Variants in PREP observed in about 807,000 individuals in gnomAD.
PREP encodes the protein prolyl endopeptidase.
Under a neutral mutation model 87.6 loss-of-function variants are expected in PREP, and 29 were observed. The observed-to-expected ratio is 0.33, with a 90% CI of 0.25 to 0.45. The LOEUF (loss-of-function observed/expected upper bound fraction) is 0.45, where lower values mean the gene tolerates loss of function less well. Among genes scored for constraint, PREP ranks in the 20% least tolerant of loss-of-function variants. The pLI, the probability that PREP is intolerant of heterozygous loss-of-function variation, is 1.00. For synonymous variants in PREP, 337 were observed against 328.6 expected, an observed-to-expected ratio of 1.03 and a Z score of -0.28; for missense variants, 695 against 886.5, an observed-to-expected ratio of 0.78 and a Z score of 2.74.
chr6:105,372,527 A>T (rs1772588366), intron 5 of PREP, among the ~76,000 whole-genome samples: 1 of 152,244 alleles, frequency 6.6e-6, no homozygotes. Context: ...CTGCCTGGGA[A>T]AATTTAGAAG....
chr6:105,280,908 A>G (rs912751442), intron 14 of PREP: 2 of 152,224 alleles, frequency 1.3e-5, no homozygotes, highest in Admixed American at 1.3e-4. Flanking sequence ...TCAGGAGCAT[A>G]TATTCTTTAC....
intron 4 of PREP, among the ~76,000 whole-genome samples, 191 bp from the exon 5 acceptor site, chr6:105,373,769 C>A (rs1772618272): frequency 6.6e-6 from 1 of 152,224 alleles, no homozygotes; most frequent in African/African-American, 2.4e-5. Flanking sequence ...TAACCTTAGA[C>A]AAGCTTCCTA....
chr6:105,285,388 C>T, intron 12 of PREP, 98 bp downstream of exon 12: 1 of 1,229,948 alleles, frequency 8.1e-7, no homozygotes, highest in South Asian at 1.4e-5. Context: ...AAAAGCTTTC[C>T]TGCTCCAAAC....
intron 6 of PREP, among the ~76,000 whole-genome samples, chr6:105,362,704 C>G (rs1252367707): frequency 6.6e-6 from 1 of 152,212 alleles, no homozygotes; most frequent in Non-Finnish European, 1.5e-5. Context: ...GTGTGCTTAT[C>G]AGCACGGTGA....
intron 9 of PREP, among the ~76,000 whole-genome samples, chr6:105,326,560 T>G (rs1157087207): frequency 1.3e-5 from 2 of 152,230 alleles, no homozygotes; most frequent in African/African-American, 4.8e-5. Context: ...ACCCTGGGGC[T>G]TTACATATAA....
chr6:105,388,963 A>G (rs1019051628), intron 2 of PREP, among the ~76,000 whole-genome samples: 1 of 152,272 alleles, frequency 6.6e-6, no homozygotes, highest in Non-Finnish European at 1.5e-5. Flanking sequence ...ATAAAACCAC[A>G]CTTACAAGTC....
intron 6 of PREP, among the ~76,000 whole-genome samples, chr6:105,359,609 C>T (rs1267538560): frequency 1.3e-5 from 2 of 152,158 alleles, no homozygotes; most frequent in Non-Finnish European, 1.5e-5. Flanking sequence ...CCCTCTAGGG[C>T]TGAAGCCCTC....
intron 2 of PREP, among the ~76,000 whole-genome samples, chr6:105,379,101 G>T (rs910138963): frequency 2.0e-5 from 3 of 152,144 alleles, no homozygotes; most frequent in Non-Finnish European, 4.4e-5. Context: ...AAATAAAACT[G>T]TTACAGGTCA....
chr6:105,375,321 T>C (rs1199221138), intron 4 of PREP, among the ~76,000 whole-genome samples: 1 of 152,168 alleles, frequency 6.6e-6, no homozygotes, highest in African/African-American at 2.4e-5. Context: ...CCATAACTAA[T>C]CATATGGTTT....
chr6:105,391,032 T>TACACAC (rs1167512274), intron 2 of PREP, among the ~76,000 whole-genome samples: 2 of 117,436 alleles, frequency 1.7e-5, no homozygotes, highest in Non-Finnish European at 3.3e-5. Flanking sequence ...TCTCTGGTTT[T>TACACAC]ATACACACAC....
At chr6:105,280,235 G>A (rs1770051060) in intron 14 of PREP, among the ~76,000 whole-genome samples, 1 of 152,158 alleles carries the variant, frequency 6.6e-6, no homozygotes, top group African/African-American at 2.4e-5. Flanking sequence ...CCCAGGAGGC[G>A]ATGTTGCAGT....
rs1194739675 is a variant in PREP, at chr6:105,276,613, C to T, written c.*1531G>A. Reference sequence around the variant, plus strand: ...ATGACGACAGAGTCTCAGCATGCAACACTAGCTACTGGCACACTTTGTTTC... The same window carrying T: ...ATGACGACAGAGTCTCAGCATGCAATACTAGCTACTGGCACACTTTGTTTC... On this transcript the variant is annotated 3_prime_UTR_variant, in exon 15 of 15. Coordinates refer to ENST00000652536, the MANE Select transcript of PREP (RefSeq NM_002726.5). 6.6e-6 allele frequency among the ~76,000 whole-genome samples: 1 copy of T among 152,232 alleles called. No homozygotes were observed. Among genetic ancestry groups the T allele is most frequent in the Non-Finnish European group, 1.5e-5 (1 of 68,040 alleles).
chr6:105,280,659 C>A (rs1052934266), intron 14 of PREP: 1 of 151,946 alleles, frequency 6.6e-6, no homozygotes, highest in African/African-American at 2.4e-5. Flanking sequence ...GCTCACTGTC[C>A]CCCCAGGCTC....
At chr6:105,306,781 T>G (rs1292002413) in intron 10 of PREP, among the ~76,000 whole-genome samples, 1 of 149,944 alleles carries the variant, frequency 6.7e-6, no homozygotes, top group East Asian at 2.0e-4. Flanking sequence ...CTTCACAACT[T>G]TCCCTGGAAC....
chr6:105,342,119 G>A (rs1354694824), intron 7 of PREP, among the ~76,000 whole-genome samples: 2 of 152,096 alleles, frequency 1.3e-5, no homozygotes, highest in African/African-American at 2.4e-5. Flanking sequence ...GATGAACATC[G>A]ATGCAAAAAT....
intron 2 of PREP, among the ~76,000 whole-genome samples, chr6:105,395,946 A>G (rs766609874): frequency 6.6e-6 from 1 of 152,156 alleles, no homozygotes; most frequent in African/African-American, 2.4e-5. Context: ...CCCAGACCCA[A>G]TCCCTCTGTC....
Position 105,397,895 on chromosome 6 carries a change from G to T in PREP, c.78C>A (p.Asp26Glu), listed in dbSNP as rs751902295. The T allele has an allele frequency of 5.0e-6, 8 of 1,612,406 alleles. No homozygotes were observed. Among genetic ancestry groups the T allele is most frequent in the Non-Finnish European group, 5.1e-6 (6 of 1,178,602 alleles). ...CGGGGTCTTCAAGCCAGGCGTAAGGGTCACAAATTTTATGACCATGATAAT... is the reference window on the plus strand; with the variant it reads ...CGGGGTCTTCAAGCCAGGCGTAAGGTTCACAAATTTTATGACCATGATAAT... ...VQDYHGHKIC[D>E]PYAWLEDPDS... Residue 26 changes from aspartate to glutamate, a missense_variant, in exon 2 of 15, where the codon GAC becomes GAA. Transcript: ENST00000652536.
rs76391568 is a variant in PREP at position 105,376,086 on chromosome 6, G to A, written c.385+39C>T. 1,638 of 1,598,074 alleles carry A rather than the reference G, an allele frequency of 1.0e-3. 20 individuals are homozygous for A. The East Asian group carries it at 0.032, about 31-fold the overall frequency. ...ACTAACTTCAGAGCTCCAAGTGAGG[G>A]TCTTAGGAGTTCCACGGGCCTCTCT... is the stretch of plus-strand genomic sequence containing the variant. On this transcript the variant is annotated intron_variant, in intron 4 of 14. Transcript: ENST00000652536.
chr6:105,371,001 CTAAAG>C (rs1262430278), intron 5 of PREP, among the ~76,000 whole-genome samples: 2 of 152,250 alleles, frequency 1.3e-5, no homozygotes. Context: ...AAATCAAACC[CTAAAG>C]TAAACTATGA....
Sources: gnomAD v4.1 joint callset for allele counts (sites outside exome capture counted in the v4.1 genomes callset) on GRCh38, gnomAD v4.1.1 for gene constraint, MANE v1.5 for transcripts, NCBI Gene and HGNC (gene_info 2026-07-23, HGNC 2026-07-21) for gene names.